ING3: variants seen among roughly 807,000 people sequenced by gnomAD.
ING3 encodes the protein inhibitor of growth family member 3.
Under a neutral mutation model 64.8 loss-of-function variants are expected in ING3, and 6 were observed. That is an observed-to-expected ratio of 0.09 (90% CI 0.05 to 0.18). The LOEUF is 0.18. Ranked by LOEUF, ING3 falls within the 10% of genes least tolerant of loss-of-function variation. The pLI, the probability that ING3 is intolerant of heterozygous loss-of-function variation, is 1.00. For missense variants in ING3, 310 were observed against 489.7 expected, an observed-to-expected ratio of 0.63 and a Z score of 3.46; for synonymous variants, 170 against 173.7, an observed-to-expected ratio of 0.98 and a Z score of 0.17.
intron 5 of ING3, among the ~76,000 whole-genome samples, chr7:120,965,878 G>T (rs916514979): frequency 6.6e-6 from 1 of 152,126 alleles, no homozygotes; most frequent in Non-Finnish European, 1.5e-5. Flanking sequence ...TAAAAATTCT[G>T]TATCTGCTTT....
chr7:120,966,951 ATACCTGATT>A (rs1213505338), intron 6 of ING3, among the ~76,000 whole-genome samples: 2 of 152,214 alleles, frequency 1.3e-5, no homozygotes, highest in Non-Finnish European at 2.9e-5. Context: ...CTTCATACAC[ATACCTGATT>A]CTCCTTAGGG....
At chr7:120,959,630 A>AT (rs397889009) in intron 4 of ING3, among the ~76,000 whole-genome samples, 1,961 of 55,718 alleles carry the variant, frequency 0.035, 561 homozygotes, top group Non-Finnish European at 0.046. Flanking sequence ...ACTTCCTCAC[A>AT]TTTTTTTTTT....
chr7:120,961,041 C>G (rs1233108038), intron 4 of ING3, among the ~76,000 whole-genome samples: 7 of 152,046 alleles, frequency 4.6e-5, no homozygotes, highest in Non-Finnish European at 8.8e-5. Context: ...GGTTATATTT[C>G]AGATGCACAT....
At position 120,951,246 on chromosome 7, in the gene ING3, G is replaced by A; in HGVS notation, c.100+11G>A. On this transcript the variant is annotated intron_variant, in intron 2 of 11. Transcript: ENST00000315870. ...ACCTGCAGGTGCAGAGTAAGTCGGCGCGTCTACTACTCCTGTTCGCTGCGC... is the reference window on the plus strand; with the variant it reads ...ACCTGCAGGTGCAGAGTAAGTCGGCACGTCTACTACTCCTGTTCGCTGCGC... 6.2e-7 allele frequency: 1 copy of A among 1,613,818 alleles called. No homozygotes were observed. The highest frequency in any genetic ancestry group is 1.6e-4 in the Middle Eastern group (1 of 6,062).
chr7:120,959,072 G>A (rs1210210716), intron 4 of ING3, among the ~76,000 whole-genome samples: 1 of 152,134 alleles, frequency 6.6e-6, no homozygotes, highest in Non-Finnish European at 1.5e-5. Flanking sequence ...GTATTACCAT[G>A]TGACTGCCTG....
chr7:120,956,286 T>C (rs1387107197), intron 4 of ING3: 2 of 1,468,886 alleles, frequency 1.4e-6, no homozygotes, highest in Non-Finnish European at 1.8e-6. Context: ...CTTTAAGAAA[T>C]AGTCATTTCT....
chr7:120,954,972 C>G (rs1795824501), intron 3 of ING3, among the ~76,000 whole-genome samples: 1 of 152,130 alleles, frequency 6.6e-6, no homozygotes, highest in Non-Finnish European at 1.5e-5. Context: ...AAATACTGTT[C>G]ATTAACTCAT....
chr7:120,952,664 A>G (rs1795784776), intron 2 of ING3, among the ~76,000 whole-genome samples: 1 of 152,120 alleles, frequency 6.6e-6, no homozygotes, highest in African/African-American at 2.4e-5. Flanking sequence ...AGAGTCTTTA[A>G]AAGGCTATTG....
intron 10 of ING3, among the ~76,000 whole-genome samples, chr7:120,972,029 T>A (rs1053584709): frequency 1.1e-4 from 16 of 152,312 alleles, no homozygotes; most frequent in African/African-American, 3.8e-4. Context: ...TTTTACATTA[T>A]GAATCGACTC....
At chr7:120,972,437 G>A (rs569373800) in intron 10 of ING3, among the ~76,000 whole-genome samples, 4 of 152,184 alleles carry the variant, frequency 2.6e-5, no homozygotes, top group Non-Finnish European at 4.4e-5. Flanking sequence ...TGATAGAAAA[G>A]CATATCCTGT....
At chr7:120,953,800 C>T (rs934498924) in intron 3 of ING3, among the ~76,000 whole-genome samples, 14 of 152,138 alleles carry the variant, frequency 9.2e-5, no homozygotes, top group Middle Eastern at 3.4e-3. Flanking sequence ...CACAGAAGAA[C>T]GAAATCTTAA....
intron 9 of ING3, among the ~76,000 whole-genome samples, chr7:120,969,676 T>G (rs531612109): frequency 6.6e-6 from 1 of 152,272 alleles, no homozygotes; most frequent in Non-Finnish European, 1.5e-5. Flanking sequence ...TCCCTAGATT[T>G]TGTATATGAG....
intron 8 of ING3, 49 bp downstream of exon 8, chr7:120,968,140 A>G (rs775461090): frequency 5.3e-6 from 8 of 1,503,978 alleles, no homozygotes; most frequent in African/African-American, 4.1e-5. Context: ...TGTCGGAATC[A>G]TTGGAAACCT....
At chr7:120,954,740 C>G (rs1234629508) in intron 3 of ING3, among the ~76,000 whole-genome samples, 1 of 151,950 alleles carries the variant, frequency 6.6e-6, no homozygotes, top group Admixed American at 6.6e-5. Context: ...ATCTTCTTTC[C>G]CCCTCTTTTT....
rs1234429350 is a variant in ING3, at chr7:120,970,885, A to G, written c.1101+5A>G. The G allele has an allele frequency of 2.8e-5, 43 of 1,553,628 alleles. No homozygotes were observed. Among genetic ancestry groups the G allele is most frequent in the Non-Finnish European group, 3.7e-5 (42 of 1,125,192 alleles). On this transcript the variant is annotated splice_donor_5th_base_variant and intron_variant, in intron 10 of 11. Coordinates refer to ENST00000315870, the MANE Select transcript of ING3 (RefSeq NM_019071.3). ...CGATACTGCATTTGTAATCAGGTAA[A>G]AGTCTGTTATATCTATAAAAGTATA...
At chr7:120,972,682 T>C (rs779544251) in intron 10 of ING3, among the ~76,000 whole-genome samples, 5 of 152,156 alleles carry the variant, frequency 3.3e-5, no homozygotes, top group Non-Finnish European at 7.4e-5. Flanking sequence ...TAGTTAATCC[T>C]GTCTGAAAAA....
chr7:120,954,184 G>T (rs1228035461), intron 3 of ING3, among the ~76,000 whole-genome samples: 1 of 152,158 alleles, frequency 6.6e-6, no homozygotes, highest in Non-Finnish European at 1.5e-5. Context: ...CTAGCACTTT[G>T]AGAGGCTGAG....
At chr7:120,972,001 T>G (rs1270030833) in intron 10 of ING3, among the ~76,000 whole-genome samples, 1 of 152,156 alleles carries the variant, frequency 6.6e-6, no homozygotes, top group Non-Finnish European at 1.5e-5. Context: ...AGTTGGACAT[T>G]TTTTGACCAT....
intron 4 of ING3, among the ~76,000 whole-genome samples, chr7:120,960,403 A>T (rs1467052354): frequency 1.3e-5 from 2 of 152,170 alleles, no homozygotes; most frequent in Non-Finnish European, 2.9e-5. Context: ...CTTAAAAGAG[A>T]TTTTGTGTAG....
Sources: allele counts gnomAD v4.1 joint callset (sites outside exome capture counted in the v4.1 genomes callset), GRCh38; gene constraint gnomAD v4.1.1; transcripts MANE v1.5; gene names NCBI Gene and HGNC (gene_info 2026-07-23, HGNC 2026-07-21).